MMP28: variants seen among roughly 807,000 people sequenced by gnomAD.
MMP28 encodes matrix metalloproteinase-28.
A neutral mutation model predicts 60.5 loss-of-function variants in MMP28; 55 were observed. That is an observed-to-expected ratio of 0.91 (90% confidence interval 0.73 to 1.14). The LOEUF (loss-of-function observed/expected upper bound fraction) is 1.14. MMP28 is among the 50% of genes most tolerant of loss of function. MMP28 has a pLI of 0.00. For synonymous variants in MMP28, 318 were observed against 312.5 expected (o/e 1.02, Z -0.18); for missense variants, 686 against 738.3 (o/e 0.93, Z 0.82).
At chr17:35,773,474 A>G (rs1598435596) in intron 3 of MMP28, 70 bp from the exon 4 acceptor site, 1 of 1,364,790 alleles carries the variant, frequency 7.3e-7, no homozygotes. Flanking sequence ...CAGACCCAGT[A>G]GGATGGCGAG....
chr17:35,769,415 G>A (rs747945102), intron 5 of MMP28, among the ~76,000 whole-genome samples: 35 of 152,218 alleles, frequency 2.3e-4, no homozygotes, highest in Non-Finnish European at 5.0e-4. Flanking sequence ...GGTTCACAGA[G>A]GGAAAATGCC....
At chr17:35,774,760 C>G (rs1473469464) in intron 3 of MMP28, among the ~76,000 whole-genome samples, 1 of 152,178 alleles carries the variant, frequency 6.6e-6, no homozygotes, top group Non-Finnish European at 1.5e-5. Flanking sequence ...GTGACCAACC[C>G]TTAACGAGGA....
At chr17:35,762,983 G>A (rs782061207), downstream of MMP28, among the ~76,000 whole-genome samples, 3 of 152,078 alleles carry the variant, frequency 2.0e-5, no homozygotes, top group Non-Finnish European at 2.9e-5. Context: ...TTAGCTGGGC[G>A]TGGTGGCGGG....
chr17:35,758,834 C>A (rs140786635), intron 2 of MMP28, among the ~76,000 whole-genome samples: 7 of 152,188 alleles, frequency 4.6e-5, no homozygotes, highest in Non-Finnish European at 1.0e-4. Flanking sequence ...GGATGCACAT[C>A]CTAAGGATGG....
chr17:35,768,518 GAGT>G (rs1305670448), intron 5 of MMP28, 139 bp from the exon 6 acceptor site: 2 of 680,756 alleles, frequency 2.9e-6, no homozygotes, highest in Non-Finnish European at 4.7e-6. Context: ...TGGGGGTTAA[GAGT>G]TGTTCCTGGG....
chr17:35,770,284 G>A lies in MMP28; in HGVS notation c.633C>T (p.Pro211=). 1.3e-6 allele frequency: 2 copies of A among 1,548,864 alleles called. No individual in the cohort carries two copies. The highest frequency in any genetic ancestry group is 1.7e-6 in the Non-Finnish European group (2 of 1,155,782). ...PGGALAHAFL[P]RRGEAHFDQD... ...GGTCGAAGTGCGCTTCGCCGCGGCG[G>A]GGCAGGAAGGCGTGCGCCAGGGCGC... Residue 211 remains proline (P), a synonymous_variant, in exon 5 of 8, where the codon CCC becomes CCT. Coordinates refer to ENST00000605424, the MANE Select transcript of MMP28 (RefSeq NM_024302.5).
chr17:35,780,632 C>T (rs966399568), intron 1 of MMP28, among the ~76,000 whole-genome samples: 8 of 151,878 alleles, frequency 5.3e-5, no homozygotes, highest in African/African-American at 1.9e-4. Context: ...GTCAGGAGTT[C>T]GAGACCAGCC....
At chr17:35,794,117 A>G (rs558929025) in intron 1 of MMP28, among the ~76,000 whole-genome samples, 1 of 151,370 alleles carries the variant, frequency 6.6e-6, no homozygotes, top group South Asian at 2.1e-4. Flanking sequence ...ACAAAACAAA[A>G]CCTGTTCATA....
At chr17:35,769,994 A>G in intron 5 of MMP28, 73 bp downstream of exon 5, 1 of 1,462,692 alleles carries the variant, frequency 6.8e-7, no homozygotes. Context: ...CTATTTGCAG[A>G]GCCGGCGTTC....
At chr17:35,786,056 GTT>G (rs34123485) in intron 1 of MMP28, among the ~76,000 whole-genome samples, 15 of 134,182 alleles carry the variant, frequency 1.1e-4, no homozygotes, top group Admixed American at 3.8e-4. Context: ...TCACCTTCTT[GTT>G]TTTTTTTTTT....
At chr17:35,759,427 C>A (rs587769370) in intron 2 of MMP28, among the ~76,000 whole-genome samples, 1 of 152,122 alleles carries the variant, frequency 6.6e-6, no homozygotes, top group Non-Finnish European at 1.5e-5. Flanking sequence ...CCTGGCTGGG[C>A]GCAGTGGCTC....
At chr17:35,790,710 GA>G (rs2086789476) in intron 1 of MMP28, among the ~76,000 whole-genome samples, 1 of 152,076 alleles carries the variant, frequency 6.6e-6, no homozygotes, top group African/African-American at 2.4e-5. Flanking sequence ...TGTAGAGGCT[GA>G]GTATGGTGGT....
intron 2 of MMP28, 23 bp downstream of exon 2, chr17:35,779,221 T>A: frequency 6.3e-7 from 1 of 1,599,770 alleles, no homozygotes; most frequent in Non-Finnish European, 8.5e-7. Flanking sequence ...CTACCCCAAG[T>A]CCTCCACATC....
At chr17:35,795,083 T>C (rs1423553207) in intron 1 of MMP28, among the ~76,000 whole-genome samples, 184 bp downstream of exon 1, 1 of 152,162 alleles carries the variant, frequency 6.6e-6, no homozygotes, top group Admixed American at 6.5e-5. Context: ...CGTGCCTGTG[T>C]GGTTCCAGCC....
chr17:35,777,226 G>C (rs989967528), intron 3 of MMP28, among the ~76,000 whole-genome samples: 3 of 152,222 alleles, frequency 2.0e-5, no homozygotes, highest in Non-Finnish European at 4.4e-5. Flanking sequence ...TCTGGCTCCA[G>C]GGATGCTGCT....
rs1392385365 is a variant in MMP28 at position 35,795,301 on chromosome 17, T to C, written c.77A>G (p.Glu26Gly). 7 of 1,464,406 alleles carry C rather than the reference T, an allele frequency of 4.8e-6. No individual in the cohort carries two copies. The highest frequency in any genetic ancestry group is 6.3e-6 in the Non-Finnish European group (7 of 1,108,362). 90.7% of individuals were successfully genotyped at this position (1,464,406 alleles called of 1,614,324 possible). Residue 26 changes from glutamate to glycine, a missense_variant, in exon 1 of 8, where the codon GAG (glutamate) becomes GGG (glycine). Glu to Gly is a moderately conservative substitution (Grantham distance 98, BLOSUM62 -2). Coordinates refer to ENST00000605424, the MANE Select transcript of MMP28 (RefSeq NM_024302.5). ...CTTGCGCAGCTCCTGGCCTCCGCGCTCCGCGGGCTGGGCGTCCAGGTGGCC... is the reference window on the plus strand; with the variant it reads ...CTTGCGCAGCTCCTGGCCTCCGCGCCCCGCGGGCTGGGCGTCCAGGTGGCC... ...LWGHLDAQPA[E>G]RGGQELRKEA...
chr17:35,757,391 T>C (rs587608129), intron 2 of MMP28: 36 of 152,292 alleles, frequency 2.4e-4, no homozygotes, highest in African/African-American at 7.5e-4. Context: ...CTGAGAAGTC[T>C]CTGCCATTCC....
At chr17:35,794,617 G>A (rs2086911721) in intron 1 of MMP28, among the ~76,000 whole-genome samples, 1 of 151,882 alleles carries the variant, frequency 6.6e-6, no homozygotes, top group African/African-American at 2.4e-5. Flanking sequence ...TTCCCCTTGC[G>A]CAACCTACAA....
At chr17:35,781,424 T>C (rs909945001) in intron 1 of MMP28, among the ~76,000 whole-genome samples, 5 of 152,142 alleles carry the variant, frequency 3.3e-5, no homozygotes, top group Non-Finnish European at 7.3e-5. Context: ...AGCATGTAGG[T>C]GATATAAAGC....
Sources: gnomAD v4.1 joint callset for allele counts (sites outside exome capture counted in the v4.1 genomes callset) on GRCh38, gnomAD v4.1.1 for gene constraint, MANE v1.5 for transcripts, NCBI Gene and HGNC (gene_info 2026-07-23, HGNC 2026-07-21) for gene names.